The following LHCGR variants were observed in gnomAD, a reference collection of about 807,000 sequenced individuals.
LHCGR encodes lutropin-choriogonadotropic hormone receptor.
Under a neutral mutation model 60.7 loss-of-function variants are expected in LHCGR, and 55 were observed. That is an observed-to-expected ratio of 0.91 (90% CI 0.73 to 1.13). The LOEUF (loss-of-function observed/expected upper bound fraction) is 1.13. Among genes scored for constraint, LHCGR ranks in the 50% most tolerant of loss-of-function variants. LHCGR has a pLI of 0.00. For missense variants in LHCGR, 862 were observed against 836.0 expected, an observed-to-expected ratio of 1.03 and a Z score of -0.38; for synonymous variants, 337 against 316.5, an observed-to-expected ratio of 1.06 and a Z score of -0.69.
At position 48,755,357 on chromosome 2, in the gene LHCGR, C is replaced by T. The variant is rs183456694; in HGVS notation, c.161+154G>A. Among the ~76,000 whole-genome samples the T allele has an allele frequency of 3.9e-5, 6 of 152,264 alleles. No individual in the cohort carries two copies. The East Asian group carries it at 9.7e-4, about 25-fold the overall frequency. The stretch of plus-strand genomic sequence containing the variant: ...AAACAACCACCAAGTTTTGGGTTCT[C>T]ATCACCCTAAAACGTGGGGGAAATT... On this transcript the variant is annotated intron_variant, in intron 1 of 10. Coordinates refer to ENST00000294954, the MANE Select transcript of LHCGR (RefSeq NM_000233.4).
intron 2 of LHCGR, among the ~76,000 whole-genome samples, chr2:48,729,502 A>T (rs143022871): frequency 2.0e-5 from 3 of 152,322 alleles, no homozygotes; most frequent in Non-Finnish European, 2.9e-5. Context: ...TCTGACTCAG[A>T]GCCACAGATT....
intron 1 of LHCGR, among the ~76,000 whole-genome samples, chr2:48,753,965 C>A (rs1262314027): frequency 6.6e-6 from 1 of 152,150 alleles, no homozygotes; most frequent in Non-Finnish European, 1.5e-5. Context: ...ATCTCAGTTT[C>A]TTCTAATCTG....
chr2:48,712,441 G>C (rs951336548), intron 7 of LHCGR, among the ~76,000 whole-genome samples: 5 of 152,050 alleles, frequency 3.3e-5, no homozygotes, highest in Non-Finnish European at 7.4e-5. Flanking sequence ...TGATATAAAT[G>C]CCTCTGATTT....
intron 9 of LHCGR, among the ~76,000 whole-genome samples, chr2:48,697,004 G>A (rs1000056159): frequency 6.6e-6 from 1 of 152,156 alleles, no homozygotes; most frequent in African/African-American, 2.4e-5. Flanking sequence ...AAGCAAATTT[G>A]AGTCATCTTG....
At position 48,718,784 on chromosome 2, in the gene LHCGR, A is replaced by G. The variant is rs77185860; in HGVS notation, c.536+4672T>C. ...ATGTGCCGGCAGTGGTTAGATGGGT[A>G]ACTGTGACCTGGTTACTACTATGTG... On this transcript the variant is annotated intron_variant, in intron 6 of 10. Coordinates refer to ENST00000294954, the MANE Select transcript of LHCGR (RefSeq NM_000233.4). Among the ~76,000 whole-genome samples, 90 of 152,286 alleles carry G rather than the reference A, an allele frequency of 5.9e-4. No homozygotes were observed. In the East Asian group the frequency reaches 0.017, roughly 28 times the overall value.
At chr2:48,702,621 C>T (rs1667468213) in intron 8 of LHCGR, among the ~76,000 whole-genome samples, 1 of 152,190 alleles carries the variant, frequency 6.6e-6, no homozygotes. Flanking sequence ...CATAGTATTT[C>T]ATGGTGTATA....
Position 48,754,400 on chromosome 2 carries a change from G to C in LHCGR, c.161+1111C>G, listed in dbSNP as rs184946551. On this transcript the variant is annotated intron_variant, in intron 1 of 10. Transcript: ENST00000294954. ...CCATCATCTCTAATTGTTAGGACATGATCAAGACCTCTACCAGCCTTTTAG... is the reference window on the plus strand; with the variant it reads ...CCATCATCTCTAATTGTTAGGACATCATCAAGACCTCTACCAGCCTTTTAG... Among the ~76,000 whole-genome samples, 37 of 152,182 alleles carry C rather than the reference G, an allele frequency of 2.4e-4. No individual in the cohort carries two copies. In the East Asian group the frequency reaches 7.0e-3, roughly 29 times the overall value.
intron 9 of LHCGR, among the ~76,000 whole-genome samples, chr2:48,695,467 A>G (rs1314089527): frequency 6.6e-6 from 1 of 152,190 alleles, no homozygotes; most frequent in Non-Finnish European, 1.5e-5. Flanking sequence ...AGTGTAAATT[A>G]GTTCATCCAC....
At chr2:48,691,170 C>G (rs892758804) in intron 10 of LHCGR, among the ~76,000 whole-genome samples, 4 of 152,158 alleles carry the variant, frequency 2.6e-5, no homozygotes, top group Admixed American at 6.5e-5. Context: ...ATGGTTCCTA[C>G]ATATTATTAA....
chr2:48,742,163 C>G (rs866444680), intron 1 of LHCGR, among the ~76,000 whole-genome samples: 4 of 151,748 alleles, frequency 2.6e-5, no homozygotes, highest in Admixed American at 6.6e-5. Flanking sequence ...ATATATGGAC[C>G]CAATACAGGA....
chr2:48,710,125 G>A (rs985027551), intron 7 of LHCGR, among the ~76,000 whole-genome samples: 2 of 152,108 alleles, frequency 1.3e-5, no homozygotes, highest in African/African-American at 4.8e-5. Flanking sequence ...TCTCACTCTG[G>A]GTGGCTGTTT....
At chr2:48,737,328 G>A (rs1669244483) in intron 1 of LHCGR, among the ~76,000 whole-genome samples, 1 of 152,244 alleles carries the variant, frequency 6.6e-6, no homozygotes, top group East Asian at 1.9e-4. Context: ...GGAAAAAAGA[G>A]AGAAATCAGA....
At chr2:48,723,835 TG>T in intron 4 of LHCGR, 139 bp from the exon 5 acceptor site, 1 of 706,572 alleles carries the variant, frequency 1.4e-6, no homozygotes, top group South Asian at 1.6e-5. Context: ...TTGAGTTTGG[TG>T]TTATCAGGAC....
chr2:48,742,154 T>A (rs1262110699), intron 1 of LHCGR, among the ~76,000 whole-genome samples: 1 of 151,854 alleles, frequency 6.6e-6, no homozygotes, highest in Non-Finnish European at 1.5e-5. Context: ...ATCCTAAATA[T>A]ATATGGACCC....
chr2:48,720,257 A>G (rs1668440491), intron 6 of LHCGR: 1 of 152,226 alleles, frequency 6.6e-6, no homozygotes, highest in Non-Finnish European at 1.5e-5. Flanking sequence ...GGGGTGGCCC[A>G]GTCTTGTGAG....
chr2:48,725,234 T>C (rs1464818134), intron 4 of LHCGR, among the ~76,000 whole-genome samples: 1 of 152,186 alleles, frequency 6.6e-6, no homozygotes, highest in African/African-American at 2.4e-5. Context: ...TAAAAAGTTT[T>C]CATTTAATGA....
In LHCGR at chr2:48,755,517, G is replaced by A. The variant is rs984685388; in HGVS notation, c.155C>T (p.Thr52Ile). Residue 52 changes from threonine to isoleucine, a missense_variant, in exon 1 of 11, where the codon ACT becomes ATT. Thr to Ile is a moderately conservative substitution (Grantham distance 89). Coordinates refer to ENST00000294954, the MANE Select transcript of LHCGR (RefSeq NM_000233.4). ...LRCPGPTAGL[T>I]RLSLAYLPVK... ...GGGAGCGCTGTGTACTCACAGTCGA[G>A]TGAGACCGGCCGTGGGGCCGGGGCA... 1 of 1,540,702 alleles carries A rather than the reference G, an allele frequency of 6.5e-7. No homozygotes were observed. Among genetic ancestry groups the A allele is most frequent in the Non-Finnish European group, 8.8e-7 (1 of 1,142,694 alleles).
At chr2:48,716,498 G>C (rs193065188) in intron 6 of LHCGR, among the ~76,000 whole-genome samples, 2 of 151,938 alleles carry the variant, frequency 1.3e-5, no homozygotes, top group African/African-American at 2.4e-5. Context: ...TAAAGCAATG[G>C]AGGCAAAGCC....
chr2:48,738,170 G>A (rs537191839), intron 1 of LHCGR, among the ~76,000 whole-genome samples: 11 of 152,320 alleles, frequency 7.2e-5, no homozygotes, highest in Admixed American at 5.2e-4. Flanking sequence ...AAGCTTTGGA[G>A]CCTACCAGAA....
Sources: allele counts gnomAD v4.1 joint callset (sites outside exome capture counted in the v4.1 genomes callset), GRCh38; gene constraint gnomAD v4.1.1; transcripts MANE v1.5; gene names NCBI Gene and HGNC (gene_info 2026-07-23, HGNC 2026-07-21).